The following GRM1 variants were observed in gnomAD, a reference collection of about 807,000 sequenced individuals.
GRM1 encodes the protein glutamate metabotropic receptor 1.
GRM1 carries 33 observed loss-of-function variants against 90.9 expected under a neutral mutation model. The ratio of observed to expected loss-of-function variants is 0.36; its 90% CI spans 0.28 to 0.49. The LOEUF (loss-of-function observed/expected upper bound fraction) is 0.49, where lower values mean the gene tolerates loss of function less well. Among genes scored for constraint, GRM1 ranks in the 20% least tolerant of loss-of-function variants. The pLI, the probability that GRM1 is intolerant of heterozygous loss-of-function variation, is 0.99. For missense variants in GRM1, 1,190 were observed against 1,534.3 expected (o/e 0.78, Z 3.75); for synonymous variants, 700 against 613.2 (o/e 1.14, Z -2.09).
intron 2 of GRM1, among the ~76,000 whole-genome samples, chr6:146,270,819 C>G (rs1782087413): frequency 7.3e-6 from 1 of 136,406 alleles, no homozygotes; most frequent in South Asian, 2.1e-4. Flanking sequence ...TCTTTTCTGT[C>G]TGCCTGCCTG....
chr6:146,424,531 T>A (rs1778126711), intron 7 of GRM1, among the ~76,000 whole-genome samples: 1 of 152,196 alleles, frequency 6.6e-6, no homozygotes, highest in Admixed American at 6.5e-5. Flanking sequence ...ATTTCCCCAT[T>A]GACCATCACT....
chr6:146,275,305 T>A (rs897678435), intron 2 of GRM1, among the ~76,000 whole-genome samples: 5 of 152,250 alleles, frequency 3.3e-5, no homozygotes, highest in Non-Finnish European at 5.9e-5. Flanking sequence ...AAATTTGGAT[T>A]ACAGGAGGAA....
In GRM1 at chr6:146,373,911, T is replaced by A. The variant is rs576635789; in HGVS notation, c.1603-12979T>A. 3.3e-5 allele frequency among the ~76,000 whole-genome samples: 5 copies of A among 152,242 alleles called. No individual in the cohort carries two copies. The East Asian group carries it at 7.7e-4, about 24-fold the overall frequency. ...CTTCCAGTACTATGTTGAAAAGCAG[T>A]GCTGATAGTGAGTATCCTTGTTGTG... On this transcript the variant is annotated intron_variant, in intron 5 of 7. Coordinates refer to ENST00000282753, the MANE Select transcript of GRM1 (RefSeq NM_001278064.2).
chr6:146,369,458 GC>G (rs1012254893), intron 5 of GRM1, among the ~76,000 whole-genome samples: 1 of 151,756 alleles, frequency 6.6e-6, no homozygotes, highest in Non-Finnish European at 1.5e-5. Context: ...GGTATTTATT[GC>G]TGTAAACTTC....
chr6:146,068,826 G>A (rs544473072), intron 1 of GRM1, among the ~76,000 whole-genome samples: 4 of 152,094 alleles, frequency 2.6e-5, no homozygotes, highest in South Asian at 2.1e-4. Flanking sequence ...AAATTTTTAC[G>A]TAATAGCACC....
rs1164507964 is a variant in GRM1, at chr6:146,270,849, T to TTTTCTTTCTTTCTTTC, written c.951-33711_951-33696dup. Among the ~76,000 whole-genome samples the TTTTCTTTCTTTCTTTC allele has an allele frequency of 3.3e-3, 302 of 91,720 alleles. 11 individuals are homozygous for TTTTCTTTCTTTCTTTC. Among genetic ancestry groups the TTTTCTTTCTTTCTTTC allele is most frequent in the East Asian group, 0.012 (32 of 2,666 alleles). The allele number at this position is 91,720 out of a possible 152,430, so 60.2% of individuals were successfully genotyped here. On this transcript the variant is annotated intron_variant, in intron 2 of 7. Transcript: ENST00000282753. ...TGCCTGCCTGCCTGCCTTTCTTTCT[T>TTTTCTTTCTTTCTTTC]TTTCTTTCTTTCTTTCTTTCTTTCT... is the stretch of plus-strand genomic sequence containing the variant.
rs78787462 is a variant in GRM1 at position 146,414,026 on chromosome 6, T to G, written c.2660+14327T>G. ...GTACAATCAACATACATACACAAGA[T>G]TTTATTAACATATATTTTCACTTAG... On this transcript the variant is annotated intron_variant, in intron 7 of 7. Coordinates refer to ENST00000282753, the MANE Select transcript of GRM1 (RefSeq NM_001278064.2). Among the ~76,000 whole-genome samples the G allele has an allele frequency of 7.1e-3, 1,077 of 152,312 alleles. 15 individuals carry two copies. The highest frequency in any genetic ancestry group is 0.025 in the African/African-American group (1,036 of 41,580).
chr6:146,138,768 GAACT>G (rs1203636779), intron 1 of GRM1, among the ~76,000 whole-genome samples: 3 of 151,780 alleles, frequency 2.0e-5, no homozygotes, highest in Admixed American at 6.6e-5. Context: ...TCTTTTCAAA[GAACT>G]AACTTTTTAT....
intron 2 of GRM1, among the ~76,000 whole-genome samples, chr6:146,268,801 A>G (rs948921212): frequency 1.3e-5 from 2 of 152,230 alleles, no homozygotes; most frequent in African/African-American, 4.8e-5. Context: ...GACTTCAAAT[A>G]GCCAAAGCAA....
intron 2 of GRM1, among the ~76,000 whole-genome samples, chr6:146,206,731 A>G (rs1779507042): frequency 1.3e-5 from 2 of 151,982 alleles, no homozygotes; most frequent in Non-Finnish European, 2.9e-5. Flanking sequence ...TCACCCAGGT[A>G]TTAACCCCAG....
chr6:146,432,566 TAAA>T (rs1458052609), intron 7 of GRM1, among the ~76,000 whole-genome samples: 3 of 152,156 alleles, frequency 2.0e-5, no homozygotes, highest in African/African-American at 7.2e-5. Context: ...CACCTCCACT[TAAA>T]GAAAAAAATG....
chr6:146,072,305 T>C (rs919699780), intron 1 of GRM1, among the ~76,000 whole-genome samples: 2 of 152,188 alleles, frequency 1.3e-5, no homozygotes, highest in African/African-American at 4.8e-5. Flanking sequence ...TAACATTTCC[T>C]AATACTTTTC....
At chr6:146,248,215 T>C (rs1305996517) in intron 2 of GRM1, among the ~76,000 whole-genome samples, 2 of 152,130 alleles carry the variant, frequency 1.3e-5, no homozygotes, top group Non-Finnish European at 2.9e-5. Flanking sequence ...AAAAGCCCTA[T>C]TGTGATAAGC....
At chr6:146,316,404 A>G (rs1395866690) in intron 3 of GRM1, among the ~76,000 whole-genome samples, 1 of 152,152 alleles carries the variant, frequency 6.6e-6, no homozygotes, top group Non-Finnish European at 1.5e-5. Context: ...CTCTTTTACC[A>G]TGGAAATGAA....
chr6:146,374,694 T>A (rs2115102931), intron 5 of GRM1, among the ~76,000 whole-genome samples: 1 of 152,274 alleles, frequency 6.6e-6, no homozygotes, highest in African/African-American at 2.4e-5. Flanking sequence ...CCTTTGAATT[T>A]CTGCAATATT....
chr6:146,229,281 G>T (rs1780364311), intron 2 of GRM1, among the ~76,000 whole-genome samples: 1 of 151,338 alleles, frequency 6.6e-6, no homozygotes, highest in African/African-American at 2.4e-5. Context: ...AACATGCCCG[G>T]CCAAACTTGT....
At chr6:146,357,283 A>G (rs879448444) in intron 4 of GRM1, among the ~76,000 whole-genome samples, 2 of 152,242 alleles carry the variant, frequency 1.3e-5, no homozygotes, top group Non-Finnish European at 2.9e-5. Flanking sequence ...GGATAAGCAG[A>G]GAGAAAAGTA....
chr6:146,188,397 T>C (rs987055759), intron 2 of GRM1, among the ~76,000 whole-genome samples: 1 of 152,198 alleles, frequency 6.6e-6, no homozygotes, highest in African/African-American at 2.4e-5. Flanking sequence ...TTACAATCAT[T>C]GCTTTTCTCT....
At chr6:146,187,790 AAAAAAC>A (rs1231499028) in intron 2 of GRM1, among the ~76,000 whole-genome samples, 1 of 151,878 alleles carries the variant, frequency 6.6e-6, no homozygotes, top group East Asian at 1.9e-4. Context: ...AAAACAACAC[AAAAAAC>A]AAAAGAGTAA....
Sources: gnomAD v4.1 joint callset for allele counts (sites outside exome capture counted in the v4.1 genomes callset) on GRCh38, gnomAD v4.1.1 for gene constraint, MANE v1.5 for transcripts, NCBI Gene and HGNC (gene_info 2026-07-23, HGNC 2026-07-21) for gene names.